The following XIRP1 variants were observed in gnomAD, a reference collection of about 807,000 sequenced individuals.
XIRP1 encodes the protein xin actin binding repeat containing 1.
For missense variants in XIRP1, 2,378 were observed against 2,345.4 expected (o/e 1.01, Z -0.29); for synonymous variants, 984 against 947.0 (o/e 1.04, Z -0.72).
chr3:39,189,972 A>C (rs867398253), intron 1 of XIRP1, among the ~76,000 whole-genome samples: 2 of 152,194 alleles, frequency 1.3e-5, no homozygotes, highest in Admixed American at 6.5e-5. Context: ...ATTCCTTTGC[A>C]GAACACCAGA....
Position 39,188,362 on chromosome 3 carries a change from C to G in XIRP1, c.1084G>C (p.Glu362Gln). ...TTGGGTGGGGCCTCTGCTCCAGCCTCTTCGTCCCCCTTCAGAGTGTCCAGC... is the reference window on the plus strand; with the variant it reads ...TTGGGTGGGGCCTCTGCTCCAGCCTGTTCGTCCCCCTTCAGAGTGTCCAGC... ...RALDTLKGDEEAGAEAPPKEE... is the reference protein window; with the variant it reads ...RALDTLKGDEQAGAEAPPKEE... Residue 362 changes from glutamate to glutamine, a missense_variant, in exon 2 of 2, where the codon GAG (glutamate) becomes CAG (glutamine). Physicochemically the swap from Glu to Gln is conservative, Grantham distance 29. Transcript: ENST00000340369. The G allele has an allele frequency of 6.2e-7, 1 of 1,614,170 alleles. No homozygotes were observed. The highest frequency in any genetic ancestry group is 8.5e-7 in the Non-Finnish European group (1 of 1,180,014).
Position 39,187,521 on chromosome 3 carries a change from C to T in XIRP1, c.1925G>A (p.Arg642Lys), listed in dbSNP as rs774291711. 3 of 1,613,966 alleles carry T rather than the reference C, an allele frequency of 1.9e-6. No homozygotes were observed. Among genetic ancestry groups the T allele is most frequent in the Non-Finnish European group, 8.5e-7 (1 of 1,180,066 alleles). The change falls in exon 2 of 2, where the codon AGG becomes AAG. Residue 642 changes from arginine (R) to lysine (K), a missense_variant. Arg to Lys is a conservative substitution (Grantham distance 26). Coordinates refer to ENST00000340369, the MANE Select transcript of XIRP1 (RefSeq NM_194293.4). ...PQPVDRPVGSREQHLQVSQVP... is the reference protein window; with the variant it reads ...PQPVDRPVGSKEQHLQVSQVP... ...CTGGCTAACCTGCAGGTGCTGCTCC[C>T]TGGAGCCCACTGGCCTGTCCACAGG...
Position 39,184,636 on chromosome 3 carries a change from C to T in XIRP1, c.4810G>A (p.Gly1604Arg), listed in dbSNP as rs3732383. The T allele has an allele frequency of 0.21, 339,164 of 1,613,866 alleles. 37,580 individuals carry two copies. Among genetic ancestry groups the T allele is most frequent in the Non-Finnish European group, 0.23 (267,818 of 1,179,892 alleles). Residue 1604 changes from glycine (G) to arginine (R), a missense_variant, in exon 2 of 2, where the codon GGA becomes AGA. By Grantham distance (125) the Gly-to-Arg change is moderately radical. Transcript: ENST00000340369. Reference sequence around the variant, plus strand: ...TGGTTCTTGACTGCAGTTTGACCTCCGACCTCCTGGCCTGAGCCACTGGGC... The same window carrying T: ...TGGTTCTTGACTGCAGTTTGACCTCTGACCTCCTGGCCTGAGCCACTGGGC... ...ARPSGSGQEV[G>R]GQTAVKNQAK...
At position 39,184,245 on chromosome 3, in the gene XIRP1, G is replaced by T. The variant is rs1404057336; in HGVS notation, c.5201C>A (p.Ala1734Asp). ...ITQCSVQPEP[A>D]PPSASPLPRG... ...GGGCAGGGGACTGGCTGAGGGAGGG[G>T]CAGGTTCAGGTTGCACAGAGCACTG... Residue 1734 changes from alanine (A) to aspartate (D), a missense_variant, in exon 2 of 2, where the codon GCC (alanine) becomes GAC (aspartate). Coordinates refer to ENST00000340369, the MANE Select transcript of XIRP1 (RefSeq NM_194293.4). 2 of 1,614,208 alleles carry T rather than the reference G, an allele frequency of 1.2e-6. No individual in the cohort carries two copies. The highest frequency in any genetic ancestry group is 1.7e-6 in the Non-Finnish European group (2 of 1,180,014).
Position 39,189,199 on chromosome 3 carries a change from A to G in XIRP1, c.247T>C (p.Ser83Pro). 3 of 1,614,186 alleles carry G rather than the reference A, an allele frequency of 1.9e-6. No individual in the cohort carries two copies. The highest frequency in any genetic ancestry group is 2.5e-6 in the Non-Finnish European group (3 of 1,180,038). Residue 83 changes from serine (S) to proline (P), a missense_variant, in exon 2 of 2, where the codon TCT becomes CCT. Ser to Pro is a moderately conservative substitution (Grantham distance 74). Transcript: ENST00000340369. ...ACGTCACCCTCGGTGGGTTCCTCAG[A>G]GCCCAGGACCTCAGCCAGATCCTCG... The part of the protein sequence containing the change: ...VAEDLAEVLG[S>P]EEPTEGDVQC...
rs542751787 is a variant in XIRP1, at chr3:39,185,109, C to T, written c.4337G>A (p.Gly1446Glu). 2 of 1,551,558 alleles carry T rather than the reference C, an allele frequency of 1.3e-6. No homozygotes were observed. Among genetic ancestry groups the T allele is most frequent in the Middle Eastern group, 1.8e-4 (1 of 5,682 alleles). Reference sequence around the variant, plus strand: ...GTGGGAACCTTCCATGGGCTGCTCTCCTGAGGGGCCGGGGCCCCACTGTGG... The same window carrying T: ...GTGGGAACCTTCCATGGGCTGCTCTTCTGAGGGGCCGGGGCCCCACTGTGG... The part of the protein sequence containing the change: ...TSPQWGPGPS[G>E]EQPMEGSHQG... Residue 1446 changes from glycine to glutamate, a missense_variant, in exon 2 of 2, where the codon GGA becomes GAA. Gly to Glu is a moderately conservative substitution (Grantham distance 98, BLOSUM62 -2). Transcript: ENST00000340369.
rs746084323 is a variant in XIRP1 at position 39,188,589 on chromosome 3, CT to C, written c.856del (p.Ser286AlafsTer5). On this transcript the variant is annotated frameshift_variant, in exon 2 of 2. Coordinates refer to ENST00000340369, the MANE Select transcript of XIRP1 (RefSeq NM_194293.4). LOFTEE classifies it low-confidence loss of function (END_TRUNC). ...AATCCCCCGGATCACCCGCACCTGG[CT>C]GGGGTCCTGGTTGATGGCGTCCAGA... ...RPLDAINQDP[S>X]QVRVIRGISL... 22 of 1,613,578 alleles carry C rather than the reference CT, an allele frequency of 1.4e-5. No individual in the cohort carries two copies. Among genetic ancestry groups the C allele is most frequent in the Non-Finnish European group, 1.9e-5 (22 of 1,179,818 alleles).
intron 1 of XIRP1, among the ~76,000 whole-genome samples, chr3:39,191,423 T>C (rs2040087666): frequency 7.0e-6 from 1 of 142,424 alleles, no homozygotes. Flanking sequence ...TATCATGGAG[T>C]CCAGGGATGT....
chr3:39,184,716 G>A lies in XIRP1; in HGVS notation c.4730C>T (p.Pro1577Leu), dbSNP rs764393134. 6.2e-7 allele frequency: 1 copy of A among 1,614,132 alleles called. No homozygotes were observed. Among genetic ancestry groups the A allele is most frequent in the Non-Finnish European group, 8.5e-7 (1 of 1,180,050 alleles). The change falls in exon 2 of 2, where the codon CCT becomes CTT. Residue 1577 changes from proline (P) to leucine (L), a missense_variant. By Grantham distance (98) the Pro-to-Leu change is moderately conservative. Coordinates refer to ENST00000340369, the MANE Select transcript of XIRP1 (RefSeq NM_194293.4). The part of the protein sequence containing the change: ...EASARGHFQG[P>L]PKDHSAHKIS... ...CTTGTGGGCACTGTGGTCTTTTGGA[G>A]GTCCCTGGAAATGGCCTCTGGCACT...
In XIRP1 at chr3:39,184,026, G is replaced by T; in HGVS notation, c.5420C>A (p.Ala1807Asp). The change falls in exon 2 of 2, where the codon GCC becomes GAC. Residue 1807 changes from alanine (A) to aspartate (D), a missense_variant. Ala to Asp is a moderately radical substitution (Grantham distance 126). Transcript: ENST00000340369. ...CAGGAACTGCCTCAGCAAGGGGGAG[G>T]CGTGGAGCCCGAGGTGGGAGCCTGG... ...RNPGSHLGLHASPLLRQFLHS... is the reference protein window; with the variant it reads ...RNPGSHLGLHDSPLLRQFLHS... 1 of 1,613,032 alleles carries T rather than the reference G, an allele frequency of 6.2e-7. No individual in the cohort carries two copies. The highest frequency in any genetic ancestry group is 8.5e-7 in the Non-Finnish European group (1 of 1,179,550).
At position 39,188,033 on chromosome 3, in the gene XIRP1, A is replaced by T; in HGVS notation, c.1413T>A (p.Asp471Glu). 2.5e-6 allele frequency: 4 copies of T among 1,614,210 alleles called. No homozygotes were observed. Among genetic ancestry groups the T allele is most frequent in the Non-Finnish European group, 3.4e-6 (4 of 1,180,022 alleles). The change falls in exon 2 of 2, where the codon GAT becomes GAA. Residue 471 changes from aspartate (D) to glutamate (E), a missense_variant. Transcript: ENST00000340369. ...HGSPSREEGT[D>E]SAGQAQGIGS... is the part of the protein sequence containing the mutation. ...CTATGCCCTGGGCCTGCCCAGCAGA[A>T]TCAGTTCCTTCTTCTCTGCTTGGAC...
chr3:39,190,980 GGGCTGCA>G (rs2040079084), intron 1 of XIRP1, among the ~76,000 whole-genome samples: 1 of 152,162 alleles, frequency 6.6e-6, no homozygotes, highest in Admixed American at 6.5e-5. Context: ...TCAGGCCCCT[GGGCTGCA>G]GGCCAGCCAG....
At chr3:39,189,627 A>ACTT (rs2040059663) in intron 1 of XIRP1, 102 bp from the exon 2 acceptor site, 1 of 898,588 alleles carries the variant, frequency 1.1e-6, no homozygotes, top group African/African-American at 1.7e-5. Flanking sequence ...CCTGGGCTTC[A>ACTT]CTTCGCTGCC....
At position 39,186,662 on chromosome 3, in the gene XIRP1, C is replaced by G; in HGVS notation, c.2784G>C (p.Leu928=). 6.2e-7 allele frequency: 1 copy of G among 1,613,548 alleles called. No homozygotes were observed. The highest frequency in any genetic ancestry group is 8.5e-7 in the Non-Finnish European group (1 of 1,179,890). The change falls in exon 2 of 2, where the codon CTG becomes CTC. Residue 928 remains leucine, a synonymous_variant. Coordinates refer to ENST00000340369, the MANE Select transcript of XIRP1 (RefSeq NM_194293.4). ...SKASERSSVQ[L]LASCIDKGDL... is the part of the protein sequence containing the mutation. ...CTCCTTTATCTATGCAGCTGGCCAACAGCTGCACGCTGCTCCTCTCAGAGG... is the reference window on the plus strand; with the variant it reads ...CTCCTTTATCTATGCAGCTGGCCAAGAGCTGCACGCTGCTCCTCTCAGAGG...
rs184090972 is a variant in XIRP1, at chr3:39,185,240, G to A, written c.4206C>T (p.Gly1402=). ...TGGGCCTGGGGGCCGTGGTGCTGAG[G>A]CCATGTTGTAAGCTGGGCTGGCTAT... The part of the protein sequence containing the change: ...SGHSQPSLQH[G]LSTTAPRPTK... Residue 1402 remains glycine (G), a synonymous_variant, in exon 2 of 2, where the codon GGC becomes GGT. Coordinates refer to ENST00000340369, the MANE Select transcript of XIRP1 (RefSeq NM_194293.4). 3.1e-6 allele frequency: 5 copies of A among 1,614,196 alleles called. No homozygotes were observed. In the East Asian group the frequency reaches 1.1e-4, roughly 36 times the overall value.
Position 39,187,625 on chromosome 3 carries a change from G to T in XIRP1, c.1821C>A (p.Ala607=). 1 of 1,614,014 alleles carries T rather than the reference G, an allele frequency of 6.2e-7. No individual in the cohort carries two copies. Among genetic ancestry groups the T allele is most frequent in the Non-Finnish European group, 8.5e-7 (1 of 1,180,036 alleles). Residue 607 remains alanine (A), a synonymous_variant, in exon 2 of 2, where the codon GCC becomes GCA. Coordinates refer to ENST00000340369, the MANE Select transcript of XIRP1 (RefSeq NM_194293.4). The part of the protein sequence containing the change: ...LFETCPMSEL[A]EKQGSEVTDP... ...CTGTGACCTCTGACCCCTGCTTTTCGGCCAACTCACTCATTGGGCAAGTCT... is the reference window on the plus strand; with the variant it reads ...CTGTGACCTCTGACCCCTGCTTTTCTGCCAACTCACTCATTGGGCAAGTCT...
In XIRP1 at chr3:39,184,177, C is replaced by T; in HGVS notation, c.5269G>A (p.Gly1757Arg). 5 of 1,614,158 alleles carry T rather than the reference C, an allele frequency of 3.1e-6. No homozygotes were observed. The highest frequency in any genetic ancestry group is 4.2e-6 in the Non-Finnish European group (5 of 1,180,012). Residue 1757 changes from glycine (G) to arginine (R), a missense_variant, in exon 2 of 2, where the codon GGG (glycine) becomes AGG (arginine). Physicochemically the swap from Gly to Arg is moderately radical, Grantham distance 125. Coordinates refer to ENST00000340369, the MANE Select transcript of XIRP1 (RefSeq NM_194293.4). ...ATGGCTCCATAGTGTTGTGAGCTCC[C>T]TGGCCCCGTCTGTAGCTCCAGAACA... is the stretch of plus-strand genomic sequence containing the variant. ...KSVLELQTGP[G>R]SSQHYGAMRT...
At position 39,184,462 on chromosome 3, in the gene XIRP1, A is replaced by G. The variant is rs760859809; in HGVS notation, c.4984T>C (p.Ser1662Pro). Residue 1662 changes from serine (S) to proline (P), a missense_variant, in exon 2 of 2, where the codon TCC becomes CCC. Transcript: ENST00000340369. The part of the protein sequence containing the change: ...EYLCPPRVLP[S>P]SRDSPSSPTF... ...GGGGAGGAGGGAGAATCTCGGCTGG[A>G]AGGTAAAACCCGAGGAGGGCACAAA... The G allele has an allele frequency of 1.4e-5, 23 of 1,614,002 alleles. No individual in the cohort carries two copies. The highest frequency in any genetic ancestry group is 1.9e-5 in the Non-Finnish European group (22 of 1,180,034).
chr3:39,184,369 C>G lies in XIRP1; in HGVS notation c.5077G>C (p.Asp1693His), dbSNP rs370374101. Reference sequence around the variant, plus strand: ...AGTTGTGTGCTTTTCACTGAGACATCAGGGTTGCCCTTAAAGCTGGGAGTC... The same window carrying G: ...AGTTGTGTGCTTTTCACTGAGACATGAGGGTTGCCCTTAAAGCTGGGAGTC... The part of the protein sequence containing the change: ...LETPSFKGNP[D>H]VSVKSTQLAQ... The change falls in exon 2 of 2, where the codon GAT becomes CAT. Residue 1693 changes from aspartate to histidine, a missense_variant. Asp to His is a moderately conservative substitution (Grantham distance 81). Transcript: ENST00000340369. 4.3e-6 allele frequency: 7 copies of G among 1,614,054 alleles called. No individual in the cohort carries two copies. Among genetic ancestry groups the G allele is most frequent in the Non-Finnish European group, 5.1e-6 (6 of 1,180,050 alleles).
Sources: allele counts gnomAD v4.1 joint callset (sites outside exome capture counted in the v4.1 genomes callset), GRCh38; gene constraint gnomAD v4.1.1; transcripts MANE v1.5; gene names NCBI Gene and HGNC (gene_info 2026-07-23, HGNC 2026-07-21).